Variants in UBE2E1 observed in about 807,000 individuals in gnomAD.
UBE2E1 encodes the protein ubiquitin conjugating enzyme E2 E1, also known as ubiquitin-conjugating enzyme E2 E1.
UBE2E1 carries 6 observed loss-of-function variants against 21.4 expected under a neutral mutation model. The ratio of observed to expected loss-of-function variants is 0.28; its 90% CI spans 0.15 to 0.55. The LOEUF (loss-of-function observed/expected upper bound fraction) is 0.55, where lower values mean the gene tolerates loss of function less well. Among genes scored for constraint, UBE2E1 ranks in the 20% least tolerant of loss-of-function variants. UBE2E1 has a pLI of 0.93. For synonymous variants in UBE2E1, 87 were observed against 82.7 expected, an observed-to-expected ratio of 1.05 and a Z score of -0.28; for missense variants, 142 against 236.5, an observed-to-expected ratio of 0.60 and a Z score of 2.62.
chr3:23,810,294 G>A lies in UBE2E1; in HGVS notation c.153-1166G>A. ...AGAAGCTTAGAGGCCCTAAACTGTC[G>A]TATTAATTGATGCTCTAAGTGCCTA... On this transcript the variant is annotated intron_variant, in intron 2 of 5. Coordinates refer to ENST00000306627, the MANE Select transcript of UBE2E1 (RefSeq NM_003341.5). The surrounding 1 kb of genome is among the most constrained non-coding windows in gnomAD (Gnocchi z 5.8). 2.8e-6 allele frequency: 2 copies of A among 720,478 alleles called. No individual in the cohort carries two copies. The highest frequency in any genetic ancestry group is 4.6e-6 in the Non-Finnish European group (2 of 431,698). 44.6% of individuals were successfully genotyped at this position (720,478 alleles called of 1,614,324 possible).
chr3:23,821,866 G>A (rs1170095575), intron 3 of UBE2E1, among the ~76,000 whole-genome samples: 1 of 152,102 alleles, frequency 6.6e-6, no homozygotes, highest in East Asian at 1.9e-4. Context: ...CCAAATGAAG[G>A]TGTCAAAAAT....
intron 3 of UBE2E1, among the ~76,000 whole-genome samples, chr3:23,839,838 G>A (rs1389275656): frequency 6.6e-6 from 1 of 152,030 alleles, no homozygotes; most frequent in Non-Finnish European, 1.5e-5. Flanking sequence ...TCATCTTTTT[G>A]TCTGGCTACT....
chr3:23,875,419 A>G (rs1700894514), intron 3 of UBE2E1, among the ~76,000 whole-genome samples: 1 of 152,250 alleles, frequency 6.6e-6, no homozygotes. Context: ...AAATGACTAT[A>G]GCAGTCTGTG....
At chr3:23,812,093 T>C (rs1699407262) in intron 3 of UBE2E1, among the ~76,000 whole-genome samples, 2 of 152,220 alleles carry the variant, frequency 1.3e-5, no homozygotes, top group African/African-American at 4.8e-5. Flanking sequence ...TACATATGTG[T>C]GTTTCAGTTT....
chr3:23,854,827 AT>A (rs1337922257), intron 3 of UBE2E1, among the ~76,000 whole-genome samples: 1 of 152,228 alleles, frequency 6.6e-6, no homozygotes, highest in Admixed American at 6.5e-5. Context: ...TTACATGAGA[AT>A]TCACTGAGAA....
rs1699359013 is a variant in UBE2E1, at chr3:23,810,418, C to A, written c.153-1042C>A. 2 of 1,534,006 alleles carry A rather than the reference C, an allele frequency of 1.3e-6. No homozygotes were observed. The highest frequency in any genetic ancestry group is 8.7e-7 in the Non-Finnish European group (1 of 1,145,490). On this transcript the variant is annotated intron_variant, in intron 2 of 5. Transcript: ENST00000306627. This position sits in a 1 kb window ranked among gnomAD's most constrained non-coding sequence, Gnocchi z 5.8. ...CCCTTTGTGAAGTCGAGGGTTGGTG[C>A]GGAGGGAGAAAACTGCAGGTCTCCA... is the stretch of plus-strand genomic sequence containing the variant.
Position 23,854,992 on chromosome 3 carries a change from T to C in UBE2E1, c.204-32575T>C, listed in dbSNP as rs112383808. ...TAGGATTCTCAAGTGTAATTTTTTATTACTTTAGAGCCGTAATTATTTTGT... is the reference window on the plus strand; with the variant it reads ...TAGGATTCTCAAGTGTAATTTTTTACTACTTTAGAGCCGTAATTATTTTGT... On this transcript the variant is annotated intron_variant, in intron 3 of 5. Transcript: ENST00000306627. Among the ~76,000 whole-genome samples the C allele has an allele frequency of 2.1e-3, 321 of 152,354 alleles. 1 individual carries two copies. Among genetic ancestry groups the C allele is most frequent in the African/African-American group, 7.1e-3 (296 of 41,580 alleles).
chr3:23,888,664 C>G (rs578257256), intron 4 of UBE2E1, among the ~76,000 whole-genome samples: 1 of 152,162 alleles, frequency 6.6e-6, no homozygotes, highest in South Asian at 2.1e-4. Context: ...TTTGTTCAGC[C>G]TTTTGGGTGT....
rs1699332627 is a variant in UBE2E1 at position 23,808,949 on chromosome 3, T to G, written c.152+1528T>G. 1 of 152,212 alleles carries G rather than the reference T, an allele frequency of 6.6e-6. No individual in the cohort carries two copies. The highest frequency in any genetic ancestry group is 2.4e-5 in the African/African-American group (1 of 41,450). 9.4% of individuals were successfully genotyped at this position (152,212 alleles called of 1,614,324 possible). A position where few individuals can be genotyped will look rare whatever the true frequency, so the allele number is the denominator to read the frequency against. On this transcript the variant is annotated intron_variant, in intron 2 of 5. Transcript: ENST00000306627. This position sits in a 1 kb window ranked among gnomAD's most constrained non-coding sequence, Gnocchi z 4.9. ...ATATCCCTGGTGTACATGAATATAT[T>G]TGGGGGTAAAGACACAGGTATCAAA...
chr3:23,812,183 C>CGG (rs1371072234), intron 3 of UBE2E1, among the ~76,000 whole-genome samples: 5 of 151,870 alleles, frequency 3.3e-5, no homozygotes, highest in African/African-American at 1.2e-4. Flanking sequence ...ACTGTTGAGT[C>CGG]AAGGTGGAAG....
intron 3 of UBE2E1, among the ~76,000 whole-genome samples, chr3:23,826,575 C>T (rs1699764171): frequency 6.6e-6 from 1 of 152,170 alleles, no homozygotes; most frequent in Admixed American, 6.5e-5. Flanking sequence ...TGCCAGAACT[C>T]CTCCCAGCCC....
chr3:23,823,954 A>G lies in UBE2E1; in HGVS notation c.203+12444A>G, dbSNP rs1341042584. Among the ~76,000 whole-genome samples, 1 of 152,210 alleles carries G rather than the reference A, an allele frequency of 6.6e-6. No individual in the cohort carries two copies. Among genetic ancestry groups the G allele is most frequent in the African/African-American group, 2.4e-5 (1 of 41,444 alleles). ...AGACATTTATTTTTTGTAGCTTGGT[A>G]TTCTGAGATGTTCTCACATCCAAAG... On this transcript the variant is annotated intron_variant, in intron 3 of 5. Coordinates refer to ENST00000306627, the MANE Select transcript of UBE2E1 (RefSeq NM_003341.5). This position sits in a 1 kb window ranked among gnomAD's most constrained non-coding sequence, Gnocchi z 4.2.
At position 23,816,046 on chromosome 3, in the gene UBE2E1, T is replaced by C. The variant is rs1699509430; in HGVS notation, c.203+4536T>C. On this transcript the variant is annotated intron_variant, in intron 3 of 5. Transcript: ENST00000306627. This position sits in a 1 kb window ranked among gnomAD's most constrained non-coding sequence, Gnocchi z 4.8. Reference sequence around the variant, plus strand: ...CCTATTAGAGAGGAAAGAAACCCTATCTGGAGATGAATTGCCTTTCAAATG... The same window carrying C: ...CCTATTAGAGAGGAAAGAAACCCTACCTGGAGATGAATTGCCTTTCAAATG... Among the ~76,000 whole-genome samples, 1 of 152,214 alleles carries C rather than the reference T, an allele frequency of 6.6e-6. No homozygotes were observed. The highest frequency in any genetic ancestry group is 6.5e-5 in the Admixed American group (1 of 15,282).
At position 23,807,267 on chromosome 3, in the gene UBE2E1, G is replaced by T; in HGVS notation, c.-3G>T. The T allele has an allele frequency of 6.2e-7, 1 of 1,610,684 alleles. No individual in the cohort carries two copies. Among genetic ancestry groups the T allele is most frequent in the Non-Finnish European group, 8.5e-7 (1 of 1,178,816 alleles). ...GTTTGCGGGGTGGGGTGGGGGGTTC[G>T]CTATGTCGGATGACGATTCGAGGGC... On this transcript the variant is annotated 5_prime_UTR_variant, in exon 2 of 6. Coordinates refer to ENST00000306627, the MANE Select transcript of UBE2E1 (RefSeq NM_003341.5).
Position 23,842,238 on chromosome 3 carries a change from T to G in UBE2E1, c.203+30728T>G, listed in dbSNP as rs1255867443. 1.3e-5 allele frequency among the ~76,000 whole-genome samples: 1 copy of G among 75,522 alleles called. No homozygotes were observed. Among genetic ancestry groups the G allele is most frequent in the African/African-American group, 5.3e-5 (1 of 18,958 alleles). 49.5% of individuals were successfully genotyped at this position (75,522 alleles called of 152,430 possible). On this transcript the variant is annotated intron_variant, in intron 3 of 5. Coordinates refer to ENST00000306627, the MANE Select transcript of UBE2E1 (RefSeq NM_003341.5). The surrounding 1 kb of genome is among the most constrained non-coding windows in gnomAD (Gnocchi z 4.6). ...GTGTGTGTGTGTGTGTGTGTGTGTGTGTGTGTGTGTGGTGTTGTTGTTGTT... is the reference window on the plus strand; with the variant it reads ...GTGTGTGTGTGTGTGTGTGTGTGTGGGTGTGTGTGTGGTGTTGTTGTTGTT...
chr3:23,878,042 C>G (rs1420039669), intron 3 of UBE2E1, among the ~76,000 whole-genome samples: 1 of 152,148 alleles, frequency 6.6e-6, no homozygotes, highest in African/African-American at 2.4e-5. Flanking sequence ...TTCCCCCCTA[C>G]TCTTTAAAGT....
intron 3 of UBE2E1, among the ~76,000 whole-genome samples, chr3:23,832,406 A>G (rs1189593768): frequency 6.6e-6 from 1 of 152,162 alleles, no homozygotes; most frequent in African/African-American, 2.4e-5. Context: ...GCACTTTGGG[A>G]GGCCGAGGTG....
intron 3 of UBE2E1, among the ~76,000 whole-genome samples, chr3:23,825,788 A>G (rs1443889260): frequency 6.6e-6 from 1 of 152,172 alleles, no homozygotes; most frequent in Non-Finnish European, 1.5e-5. Flanking sequence ...GTCAGATTTT[A>G]TTTGAATTTC....
At chr3:23,824,535 A>G (rs925048151) in intron 3 of UBE2E1, among the ~76,000 whole-genome samples, 1 of 152,162 alleles carries the variant, frequency 6.6e-6, no homozygotes, top group African/African-American at 2.4e-5. Context: ...TTCTATCTGA[A>G]TGTAAGTCCC....
Sources: gnomAD v4.1 joint callset for allele counts (sites outside exome capture counted in the v4.1 genomes callset) on GRCh38, gnomAD v4.1.1 for gene constraint, Gnocchi (gnomAD v3.1) non-coding constraint, MANE v1.5 for transcripts, NCBI Gene and HGNC (gene_info 2026-07-23, HGNC 2026-07-21) for gene names.